The following TRPS1 variants were observed in gnomAD, a reference collection of about 807,000 sequenced individuals.
The protein encoded by TRPS1 is transcriptional repressor GATA binding 1.
A neutral mutation model predicts 101.2 loss-of-function variants in TRPS1; 6 were observed. The observed-to-expected ratio is 0.06, with a 90% CI of 0.03 to 0.12. The LOEUF (loss-of-function observed/expected upper bound fraction) is 0.12. Ranked by LOEUF, TRPS1 falls within the 10% of genes least tolerant of loss-of-function variation. TRPS1 has a pLI of 1.00. For synonymous variants in TRPS1, 578 were observed against 589.8 expected (o/e 0.98, Z 0.29); for missense variants, 1,363 against 1,567.0 (o/e 0.87, Z 2.20).
intron 3 of TRPS1, among the ~76,000 whole-genome samples, chr8:115,618,214 C>T (rs1017317982): frequency 2.6e-5 from 4 of 152,018 alleles, no homozygotes; most frequent in Non-Finnish European, 5.9e-5. Context: ...TTTGAAATCC[C>T]CCTGGCCTTA....
rs1164583145 is a variant in TRPS1, at chr8:115,411,641, T to C, written c.*2382A>G. The C allele has an allele frequency of 1.3e-5, 2 of 152,520 alleles. No individual in the cohort carries two copies. The highest frequency in any genetic ancestry group is 4.8e-5 in the African/African-American group (2 of 41,426). The allele number at this position is 152,520 out of a possible 1,614,324, so 9.4% of individuals were successfully genotyped here. On this transcript the variant is annotated 3_prime_UTR_variant, in exon 7 of 7. Transcript: ENST00000395715. ...CCTAAGGAAGATAAATTACATCACA[T>C]AATTTGAATGTCAAAGCTCCTCATT...
chr8:115,512,428 A>G (rs16887522), intron 5 of TRPS1, among the ~76,000 whole-genome samples: 5,447 of 151,772 alleles, frequency 0.036, 367 homozygotes, highest in African/African-American at 0.12. Flanking sequence ...TATCATAAAG[A>G]GAAGAAATTC....
Position 115,408,632 on chromosome 8 carries a change from TAAAATAAAACG to T in TRPS1, c.*5380_*5390del, listed in dbSNP as rs1163447603. The T allele has an allele frequency of 1.3e-5, 2 of 151,214 alleles. No homozygotes were observed. Among genetic ancestry groups the T allele is most frequent in the Non-Finnish European group, 3.0e-5 (2 of 67,626 alleles). 9.4% of individuals were successfully genotyped at this position (151,214 alleles called of 1,614,324 possible). ...ATGAACATGCACTATGAAAACAAAA[TAAAATAAAACG>T]AAAAAATTTCATGTGTTGTAAGAAC... On this transcript the variant is annotated 3_prime_UTR_variant, in exon 7 of 7. Coordinates refer to ENST00000395715, the MANE Select transcript of TRPS1 (RefSeq NM_014112.5).
chr8:115,636,915 A>G (rs1818780330), intron 1 of TRPS1, among the ~76,000 whole-genome samples: 1 of 117,580 alleles, frequency 8.5e-6, no homozygotes, highest in African/African-American at 5.9e-5. Context: ...CTATCTAAAA[A>G]ACAAAACAAA....
chr8:115,457,106 A>G (rs909794163), intron 5 of TRPS1, among the ~76,000 whole-genome samples: 25 of 152,136 alleles, frequency 1.6e-4, no homozygotes, highest in African/African-American at 5.8e-4. Context: ...CATAAAATAT[A>G]ATTATCCTAT....
At chr8:115,469,035 C>T (rs888788254) in intron 5 of TRPS1, among the ~76,000 whole-genome samples, 2 of 151,994 alleles carry the variant, frequency 1.3e-5, no homozygotes, top group African/African-American at 4.8e-5. Flanking sequence ...CCAGCTACTT[C>T]GTAGGCTCAA....
At chr8:115,549,061 C>T (rs1816643716) in intron 5 of TRPS1, among the ~76,000 whole-genome samples, 1 of 152,084 alleles carries the variant, frequency 6.6e-6, no homozygotes, top group South Asian at 2.1e-4. Context: ...TTTAAAGAAA[C>T]AGATGAGAGA....
At chr8:115,495,993 T>C (rs1050583242) in intron 5 of TRPS1, among the ~76,000 whole-genome samples, 1 of 152,176 alleles carries the variant, frequency 6.6e-6, no homozygotes, top group East Asian at 1.9e-4. Flanking sequence ...TTAAAGCGAA[T>C]GATTTGAGTC....
At chr8:115,430,112 A>C (rs888065519) in intron 5 of TRPS1, among the ~76,000 whole-genome samples, 3 of 152,302 alleles carry the variant, frequency 2.0e-5, no homozygotes, top group African/African-American at 7.2e-5. Flanking sequence ...CAAATGTATC[A>C]AAACTACTCT....
chr8:115,456,495 T>C (rs1270024985), intron 5 of TRPS1, among the ~76,000 whole-genome samples: 1 of 152,146 alleles, frequency 6.6e-6, no homozygotes, highest in African/African-American at 2.4e-5. Flanking sequence ...ATAATATCGA[T>C]TTTACATGAT....
intron 4 of TRPS1, 35 bp from the exon 5 acceptor site, chr8:115,587,639 C>A: frequency 1.2e-6 from 2 of 1,613,110 alleles, no homozygotes; most frequent in Non-Finnish European, 8.5e-7. Flanking sequence ...GCAAAGACAG[C>A]GTTCTGAAGG....
Position 115,652,802 on chromosome 8 carries a change from C to A in TRPS1, c.-122+15743G>T, listed in dbSNP as rs193163169. The stretch of plus-strand genomic sequence containing the variant: ...TAAAATATCCACGATAGTCTGTGTT[C>A]ACAAATATGCCTCATGAGGTCAAGT... On this transcript the variant is annotated intron_variant, in intron 1 of 6. Coordinates refer to ENST00000395715, the MANE Select transcript of TRPS1 (RefSeq NM_014112.5). Among the ~76,000 whole-genome samples the A allele has an allele frequency of 2.9e-4, 44 of 152,276 alleles. No homozygotes were observed. In the East Asian group the frequency reaches 7.5e-3, roughly 26 times the overall value.
intron 5 of TRPS1, among the ~76,000 whole-genome samples, chr8:115,523,777 G>GTTT (rs1815926370): frequency 6.6e-6 from 1 of 152,148 alleles, no homozygotes; most frequent in African/African-American, 2.4e-5. Context: ...AGGCTTGGCT[G>GTTT]TCAAAAGGAA....
intron 1 of TRPS1, among the ~76,000 whole-genome samples, chr8:115,649,106 G>T (rs1396762380): frequency 6.6e-6 from 1 of 152,188 alleles, no homozygotes; most frequent in Non-Finnish European, 1.5e-5. Flanking sequence ...TATAACAAGA[G>T]ACTGCAGATA....
chr8:115,591,219 T>C (rs943480252), intron 4 of TRPS1, among the ~76,000 whole-genome samples: 1 of 152,196 alleles, frequency 6.6e-6, no homozygotes, highest in African/African-American at 2.4e-5. Flanking sequence ...ATTAAAACCT[T>C]GGGAGGTAAG....
At chr8:115,565,493 TTTTTG>T (rs1233497124) in intron 5 of TRPS1, among the ~76,000 whole-genome samples, 648 of 19,086 alleles carry the variant, frequency 0.034, 3 homozygotes, top group African/African-American at 0.32. Context: ...CAGGTTTTTT[TTTTTG>T]TTTTCTTTAT....
rs539441601 is a variant in TRPS1, at chr8:115,628,828, T to C, written c.-121-5070A>G. On this transcript the variant is annotated intron_variant, in intron 1 of 6. Coordinates refer to ENST00000395715, the MANE Select transcript of TRPS1 (RefSeq NM_014112.5). The stretch of plus-strand genomic sequence containing the variant: ...ACTTGTCTCTAGACTCTTCCCATAA[T>C]ATTAGCTTCAAAAAAAGAAAATGAA... 7.2e-5 allele frequency among the ~76,000 whole-genome samples: 11 copies of C among 151,948 alleles called. No individual in the cohort carries two copies. The East Asian group carries it at 1.7e-3, about 24-fold the overall frequency.
intron 1 of TRPS1, among the ~76,000 whole-genome samples, chr8:115,628,688 G>GA (rs957405986): frequency 6.6e-6 from 1 of 151,812 alleles, no homozygotes. Flanking sequence ...AACCTTTTCT[G>GA]AAAAAATATT....
At position 115,412,215 on chromosome 8, in the gene TRPS1, C is replaced by T. The variant is rs982818066; in HGVS notation, c.*1808G>A. 2 of 152,196 alleles carry T rather than the reference C, an allele frequency of 1.3e-5. No individual in the cohort carries two copies. The highest frequency in any genetic ancestry group is 2.9e-5 in the Non-Finnish European group (2 of 67,912). 9.4% of individuals were successfully genotyped at this position (152,196 alleles called of 1,614,324 possible). A position where few individuals can be genotyped will look rare whatever the true frequency, so the allele number is the denominator to read the frequency against. ...AAGTACTTGGAATGAATAAGTGCTA[C>T]CCTTTTTTTCCTAAGTAGGCATAAA... On this transcript the variant is annotated 3_prime_UTR_variant, in exon 7 of 7. Transcript: ENST00000395715.
Sources: gnomAD v4.1 joint callset for allele counts (sites outside exome capture counted in the v4.1 genomes callset) on GRCh38, gnomAD v4.1.1 for gene constraint, MANE v1.5 for transcripts, NCBI Gene and HGNC (gene_info 2026-07-23, HGNC 2026-07-21) for gene names.